The following ADAMTS3 variants were observed in gnomAD, a reference collection of about 807,000 sequenced individuals.
ADAMTS3 encodes ADAM metallopeptidase with thrombospondin type 1 motif 3.
Under a neutral mutation model 129.0 loss-of-function variants are expected in ADAMTS3, and 73 were observed. The observed-to-expected ratio is 0.57, with a 90% confidence interval of 0.47 to 0.69. ADAMTS3 has a LOEUF of 0.69. Among genes scored for constraint, ADAMTS3 ranks in the 30% least tolerant of loss-of-function variants. The pLI is 0.00. For synonymous variants in ADAMTS3, 477 were observed against 510.8 expected (o/e 0.93, Z 0.89); for missense variants, 1,457 against 1,514.5 (o/e 0.96, Z 0.63).
At chr4:72,397,322 T>G (rs1721750518) in intron 4 of ADAMTS3, among the ~76,000 whole-genome samples, 1 of 152,048 alleles carries the variant, frequency 6.6e-6, no homozygotes, top group Non-Finnish European at 1.5e-5. Flanking sequence ...CCTAGCACTT[T>G]GGGAGGCCGA....
intron 3 of ADAMTS3, among the ~76,000 whole-genome samples, chr4:72,475,844 C>A (rs1719215331): frequency 6.6e-6 from 1 of 151,984 alleles, no homozygotes; most frequent in South Asian, 2.1e-4. Flanking sequence ...ACAGGAATGT[C>A]CCCACTTAGA....
At chr4:72,449,357 C>T (rs1718335901) in intron 3 of ADAMTS3, among the ~76,000 whole-genome samples, 2 of 151,716 alleles carry the variant, frequency 1.3e-5, no homozygotes, top group East Asian at 2.0e-4. Context: ...CCACTGCTCC[C>T]CTAGTGGTCC....
chr4:72,461,321 T>C (rs1718764969), intron 3 of ADAMTS3, among the ~76,000 whole-genome samples: 1 of 151,776 alleles, frequency 6.6e-6, no homozygotes, highest in African/African-American at 2.4e-5. Context: ...GAATATTTGG[T>C]AGTTAATTAC....
Position 72,320,635 on chromosome 4 carries a change from T to C in ADAMTS3, c.1102+79A>G, listed in dbSNP as rs949314143. The C allele has an allele frequency of 3.9e-5, 57 of 1,466,990 alleles. No individual in the cohort carries two copies. The African/African-American group carries it at 5.5e-4, about 14-fold the overall frequency. The allele number at this position is 1,466,990 out of a possible 1,614,324, so 90.9% of individuals were successfully genotyped here. A position where few individuals can be genotyped will look rare whatever the true frequency, so the allele number is the denominator to read the frequency against. On this transcript the variant is annotated intron_variant, in intron 7 of 21. Coordinates refer to ENST00000286657, the MANE Select transcript of ADAMTS3 (RefSeq NM_014243.3). ...AAAGCAGTGGTGGAGAGCAGAACAT[T>C]TGAACAGACTGCCTGATTTAGGATT...
intron 4 of ADAMTS3, among the ~76,000 whole-genome samples, chr4:72,374,199 CT>C (rs545814105): frequency 6.6e-6 from 1 of 151,378 alleles, no homozygotes; most frequent in African/African-American, 2.4e-5. Flanking sequence ...CATTCTATAG[CT>C]TTTTTTTCAT....
chr4:72,308,718 G>T (rs1719152319), intron 15 of ADAMTS3, among the ~76,000 whole-genome samples: 1 of 151,840 alleles, frequency 6.6e-6, no homozygotes, highest in African/African-American at 2.4e-5. Flanking sequence ...TTAAACTATG[G>T]ATAATTTTGC....
intron 3 of ADAMTS3, among the ~76,000 whole-genome samples, chr4:72,507,404 A>G (rs1327364559): frequency 6.6e-6 from 1 of 152,134 alleles, no homozygotes; most frequent in Non-Finnish European, 1.5e-5. Context: ...AAATCTAGAT[A>G]AGGGCCATAC....
chr4:72,523,141 T>C (rs1001951852), intron 3 of ADAMTS3, among the ~76,000 whole-genome samples: 3 of 151,764 alleles, frequency 2.0e-5, no homozygotes, highest in African/African-American at 4.8e-5. Context: ...AAGGTAAATA[T>C]AAAAAAAAGA....
intron 3 of ADAMTS3, among the ~76,000 whole-genome samples, chr4:72,517,364 GA>G (rs1720518107): frequency 6.6e-6 from 1 of 152,156 alleles, no homozygotes; most frequent in Non-Finnish European, 1.5e-5. Flanking sequence ...ATGAGTTAGG[GA>G]GGATTCCCTC....
At chr4:72,402,556 C>T (rs1721949929) in intron 4 of ADAMTS3, among the ~76,000 whole-genome samples, 1 of 152,028 alleles carries the variant, frequency 6.6e-6, no homozygotes, top group African/African-American at 2.4e-5. Flanking sequence ...TTAGCTGAAA[C>T]ATGTTAGCTC....
chr4:72,383,975 T>C (rs973344657), intron 4 of ADAMTS3, among the ~76,000 whole-genome samples: 3 of 151,670 alleles, frequency 2.0e-5, no homozygotes, highest in Non-Finnish European at 2.9e-5. Flanking sequence ...CAATTAAAAA[T>C]AACTAAAAAA....
At chr4:72,523,815 T>C (rs1306279691) in intron 3 of ADAMTS3, among the ~76,000 whole-genome samples, 1 of 152,130 alleles carries the variant, frequency 6.6e-6, no homozygotes, top group Admixed American at 6.5e-5. Flanking sequence ...ATGTGACTTA[T>C]AAATGCAAGA....
At chr4:72,290,810 TAC>T in intron 20 of ADAMTS3, 43 bp downstream of exon 20, 1 of 1,580,272 alleles carries the variant, frequency 6.3e-7, no homozygotes, top group Non-Finnish European at 8.7e-7. Context: ...TACACATGCT[TAC>T]ACACACACTT....
At chr4:72,381,441 T>C (rs1721286656) in intron 4 of ADAMTS3, among the ~76,000 whole-genome samples, 1 of 151,996 alleles carries the variant, frequency 6.6e-6, no homozygotes, top group Non-Finnish European at 1.5e-5. Flanking sequence ...CCACCTCCAT[T>C]ATTCAATGAA....
chr4:72,411,500 A>C (rs1722184342), intron 4 of ADAMTS3, among the ~76,000 whole-genome samples: 1 of 152,016 alleles, frequency 6.6e-6, no homozygotes, highest in African/African-American at 2.4e-5. Context: ...GATACACCTG[A>C]GAATGACAGA....
At chr4:72,514,776 T>C (rs1275110505) in intron 3 of ADAMTS3, among the ~76,000 whole-genome samples, 1 of 152,122 alleles carries the variant, frequency 6.6e-6, no homozygotes, top group Non-Finnish European at 1.5e-5. Context: ...GTAATCCAAA[T>C]TAATGATTAC....
intron 3 of ADAMTS3, among the ~76,000 whole-genome samples, chr4:72,487,123 T>C (rs889550463): frequency 6.6e-6 from 1 of 152,134 alleles, no homozygotes; most frequent in African/African-American, 2.4e-5. Flanking sequence ...CCAAAGGTTG[T>C]TGTAGAAGAT....
chr4:72,296,439 C>T (rs1007441699), intron 18 of ADAMTS3, among the ~76,000 whole-genome samples: 10 of 151,964 alleles, frequency 6.6e-5, no homozygotes. Context: ...GTCTCTCAAA[C>T]ATCAACTTTT....
At chr4:72,455,501 A>G (rs971778849) in intron 3 of ADAMTS3, among the ~76,000 whole-genome samples, 1 of 151,338 alleles carries the variant, frequency 6.6e-6, no homozygotes, top group Non-Finnish European at 1.5e-5. Flanking sequence ...GAGCGATAGC[A>G]TTAGGAGAAA....
Sources: gnomAD v4.1 joint callset for allele counts (sites outside exome capture counted in the v4.1 genomes callset) on GRCh38, gnomAD v4.1.1 for gene constraint, MANE v1.5 for transcripts, NCBI Gene and HGNC (gene_info 2026-07-23, HGNC 2026-07-21) for gene names.